Variants in SEMA6B observed in about 807,000 individuals in gnomAD.
SEMA6B encodes semaphorin-6B.
A neutral mutation model predicts 78.6 loss-of-function variants in SEMA6B; 47 were observed. The ratio of observed to expected loss-of-function variants is 0.60; its 90% CI spans 0.47 to 0.76. SEMA6B has a LOEUF of 0.76. SEMA6B is among the 30% of genes least tolerant of loss of function. The pLI is 0.00. For synonymous variants in SEMA6B, 632 were observed against 592.2 expected (o/e 1.07, Z -0.98); for missense variants, 1,213 against 1,269.9 (o/e 0.96, Z 0.68).
intron 14 of SEMA6B, among the ~76,000 whole-genome samples, chr19:4,547,502 C>T (rs1006098744): frequency 2.0e-4 from 31 of 152,214 alleles, no homozygotes; most frequent in African/African-American, 3.6e-4. Context: ...TCCGCATTGA[C>T]GGCTCACATG....
rs762868118 is a variant in SEMA6B at position 4,548,114 on chromosome 19, G to T, written c.1514C>A (p.Ala505Glu). ...GQRLLSLELD[A>E]ASGGLLAAFP... ...GGCAGCCAGCAGGCCCCCCGAAGCT[G>T]CGTCCAGCTCCAAGCTCAGCAGCCG... is the stretch of plus-strand genomic sequence containing the variant. The change falls in exon 14 of 17, where the codon GCA (alanine) becomes GAA (glutamate). Residue 505 changes from alanine (A) to glutamate (E), a missense_variant. Coordinates refer to ENST00000586582, the MANE Select transcript of SEMA6B (RefSeq NM_032108.4). The T allele has an allele frequency of 1.3e-6, 2 of 1,591,840 alleles. No homozygotes were observed. The highest frequency in any genetic ancestry group is 1.7e-5 in the Admixed American group (1 of 58,538).
intron 3 of SEMA6B, 88 bp from the exon 4 acceptor site, chr19:4,557,311 G>C: frequency 1.1e-6 from 1 of 902,534 alleles, no homozygotes; most frequent in South Asian, 1.6e-5. Context: ...GTGTGCACAC[G>C]GGGGCATGCA....
chr19:4,548,031 T>A lies in SEMA6B; in HGVS notation c.1597A>T (p.Met533Leu). Reference protein sequence around the residue: ...VARCQQYSGCMKNCIGSQDPY... With the variant: ...VARCQQYSGCLKNCIGSQDPY... ...TGGCCTGGGGTGGACACTCACTTCA[T>A]ACACCCCGAGTACTGCTGGCAGCGA... Residue 533 changes from methionine to leucine, a missense_variant, in exon 14 of 17, where the codon ATG (methionine) becomes TTG (leucine). Met to Leu is a conservative substitution (Grantham distance 15). Coordinates refer to ENST00000586582, the MANE Select transcript of SEMA6B (RefSeq NM_032108.4). 1 of 1,553,158 alleles carries A rather than the reference T, an allele frequency of 6.4e-7. No individual in the cohort carries two copies.
At position 4,542,910 on chromosome 19, in the gene SEMA6B, G is replaced by T; in HGVS notation, c.*691C>A. 1 of 701,216 alleles carries T rather than the reference G, an allele frequency of 1.4e-6. No homozygotes were observed. 43.4% of individuals were successfully genotyped at this position (701,216 alleles called of 1,614,324 possible). Reference sequence around the variant, plus strand: ...CCCGCTTCCCTCTGCAGAGTGGGGGGGGTTCAAACTCCTAACCGGCACCTC... The same window carrying T: ...CCCGCTTCCCTCTGCAGAGTGGGGGTGGTTCAAACTCCTAACCGGCACCTC... On this transcript the variant is annotated 3_prime_UTR_variant, in exon 17 of 17. Transcript: ENST00000586582.
At position 4,550,955 on chromosome 19, in the gene SEMA6B, TG is replaced by T. The variant is rs934616103; in HGVS notation, c.990-26del. 6.2e-7 allele frequency: 1 copy of T among 1,612,288 alleles called. No homozygotes were observed. Among genetic ancestry groups the T allele is most frequent in the African/African-American group, 1.3e-5 (1 of 74,882 alleles). On this transcript the variant is annotated intron_variant, in intron 10 of 16. Coordinates refer to ENST00000586582, the MANE Select transcript of SEMA6B (RefSeq NM_032108.4). The surrounding 1 kb of genome is among the most constrained non-coding windows in gnomAD (Gnocchi z 6.6). Reference sequence around the variant, plus strand: ...GCTGAGGGGTTGGGATGAAAGAGTTTGGTGAGCCCGGTGGGAGGCCCCATCT... The same window carrying T: ...GCTGAGGGGTTGGGATGAAAGAGTTTGTGAGCCCGGTGGGAGGCCCCATCT...
chr19:4,543,583 C>T lies in SEMA6B; in HGVS notation c.*18G>A, dbSNP rs774671000. 1 of 1,198,006 alleles carries T rather than the reference C, an allele frequency of 8.3e-7. No homozygotes were observed. The highest frequency in any genetic ancestry group is 1.0e-6 in the Non-Finnish European group (1 of 953,946). The allele number at this position is 1,198,006 out of a possible 1,614,324, so 74.2% of individuals were successfully genotyped here. A position where few individuals can be genotyped will look rare whatever the true frequency, so the allele number is the denominator to read the frequency against. ...GTTCCCGTGGCTGGCACTGCCAAGG[C>T]ATCGGGGGGCCCCCGGCCTAGGGCA... On this transcript the variant is annotated 3_prime_UTR_variant, in exon 17 of 17. Coordinates refer to ENST00000586582, the MANE Select transcript of SEMA6B (RefSeq NM_032108.4).
In SEMA6B at chr19:4,558,004, T is replaced by C; in HGVS notation, c.245+22A>G. On this transcript the variant is annotated intron_variant, in intron 3 of 16. Coordinates refer to ENST00000586582, the MANE Select transcript of SEMA6B (RefSeq NM_032108.4). The surrounding 1 kb of genome is among the most constrained non-coding windows in gnomAD (Gnocchi z 5.1). ...GCTCATTCTGCTCGTCACACAGGCC[T>C]CCTTGCTGTCCCCAGCAATACCTGT... 1.5e-6 allele frequency: 2 copies of C among 1,365,476 alleles called. No homozygotes were observed. Among genetic ancestry groups the C allele is most frequent in the Non-Finnish European group, 1.9e-6 (2 of 1,042,436 alleles). 84.6% of individuals were successfully genotyped at this position (1,365,476 alleles called of 1,614,324 possible). A position where few individuals can be genotyped will look rare whatever the true frequency, so the allele number is the denominator to read the frequency against.
At chr19:4,554,086 G>C (rs2145356114) in intron 9 of SEMA6B, among the ~76,000 whole-genome samples, 1 of 151,916 alleles carries the variant, frequency 6.6e-6, no homozygotes, top group South Asian at 2.1e-4. Flanking sequence ...TAGACGGATG[G>C]ACAGGGGATG....
chr19:4,553,714 G>A (rs1977396098), intron 9 of SEMA6B, among the ~76,000 whole-genome samples: 1 of 126,326 alleles, frequency 7.9e-6, no homozygotes, highest in Non-Finnish European at 1.7e-5. Flanking sequence ...ATGTGTGGAT[G>A]GATGGATGGA....
Position 4,546,373 on chromosome 19 carries a change from C to T in SEMA6B, c.1679+19G>A, listed in dbSNP as rs1422439753. ...GCGGGTCTGACACACCCTCCACCCA[C>T]CTCCCTCTCCCGCAGTACCTGGTGC... On this transcript the variant is annotated intron_variant, in intron 15 of 16. Coordinates refer to ENST00000586582, the MANE Select transcript of SEMA6B (RefSeq NM_032108.4). 6.3e-7 allele frequency: 1 copy of T among 1,582,950 alleles called. No individual in the cohort carries two copies.
At chr19:4,559,192 CAAAA>C (rs11295195) in intron 1 of SEMA6B, among the ~76,000 whole-genome samples, 4 of 107,686 alleles carry the variant, frequency 3.7e-5, no homozygotes, top group African/African-American at 6.9e-5. Context: ...AGACTCCATC[CAAAA>C]AAAAAAAAAA....
In SEMA6B at chr19:4,559,614, G is replaced by A. The variant is rs967064918; in HGVS notation, c.-117C>T. The A allele has an allele frequency of 6.6e-6, 1 of 152,296 alleles. No individual in the cohort carries two copies. Among genetic ancestry groups the A allele is most frequent in the South Asian group, 2.1e-4 (1 of 4,820 alleles). The allele number at this position is 152,296 out of a possible 1,614,324, so 9.4% of individuals were successfully genotyped here. A position where few individuals can be genotyped will look rare whatever the true frequency, so the allele number is the denominator to read the frequency against. On this transcript the variant is annotated 5_prime_UTR_variant, in exon 1 of 17. Coordinates refer to ENST00000586582, the MANE Select transcript of SEMA6B (RefSeq NM_032108.4). ...TTCTGGGAAGTATTGGGCAAGCTCC[G>A]AGCCCATTTTCCTGTCTGAGCAGCA...
Position 4,555,848 on chromosome 19 carries a change from G to T in SEMA6B, c.471+140C>A. 3 of 740,652 alleles carry T rather than the reference G, an allele frequency of 4.1e-6. No individual in the cohort carries two copies. The highest frequency in any genetic ancestry group is 3.4e-4 in the Middle Eastern group (1 of 2,906). 45.9% of individuals were successfully genotyped at this position (740,652 alleles called of 1,614,324 possible). Reference sequence around the variant, plus strand: ...CAGCGCTGACTCCTCTTGAGCTCAGGGGGAGGAGGCAGGGAGAGTATATCC... The same window carrying T: ...CAGCGCTGACTCCTCTTGAGCTCAGTGGGAGGAGGCAGGGAGAGTATATCC... On this transcript the variant is annotated intron_variant, in intron 6 of 16. Transcript: ENST00000586582. The surrounding 1 kb of genome is among the most constrained non-coding windows in gnomAD (Gnocchi z 6.1).
rs1977088899 is a variant in SEMA6B at position 4,543,882 on chromosome 19, C to G, written c.2386G>C (p.Asp796His). ...GGCGCGGACACCACCCGCCGGCGGT[C>G]CGGGCTGGCGTGGGGGGTGAGCGGG... ...DFPLTPHASP[D>H]RRRVVSAPTG... The change falls in exon 17 of 17, where the codon GAC (aspartate) becomes CAC (histidine). Residue 796 changes from aspartate (D) to histidine (H), a missense_variant. Transcript: ENST00000586582. The G allele has an allele frequency of 1.7e-6, 2 of 1,205,518 alleles. No individual in the cohort carries two copies. Among genetic ancestry groups the G allele is most frequent in the East Asian group, 6.9e-5 (2 of 29,178 alleles). 74.7% of individuals were successfully genotyped at this position (1,205,518 alleles called of 1,614,324 possible).
chr19:4,548,129 C>T lies in SEMA6B; in HGVS notation c.1499G>A (p.Ser500Asn), dbSNP rs969309262. 1.9e-6 allele frequency: 3 copies of T among 1,592,508 alleles called. No homozygotes were observed. Among genetic ancestry groups the T allele is most frequent in the African/African-American group, 2.7e-5 (2 of 74,764 alleles). The change falls in exon 14 of 17, where the codon AGC (serine) becomes AAC (asparagine). Residue 500 changes from serine (S) to asparagine (N), a missense_variant. Coordinates refer to ENST00000586582, the MANE Select transcript of SEMA6B (RefSeq NM_032108.4). ...GGGETGQRLL[S>N]LELDAASGGL... ...CCCCGAAGCTGCGTCCAGCTCCAAG[C>T]TCAGCAGCCGCTGCCCTGTCTCGCC... is the stretch of plus-strand genomic sequence containing the variant.
At chr19:4,548,542 G>A in intron 12 of SEMA6B, 97 bp from the exon 13 acceptor site, 1 of 1,119,462 alleles carries the variant, frequency 8.9e-7, no homozygotes, top group East Asian at 2.5e-5. Context: ...TACAGACACT[G>A]ACACACCAAC....
chr19:4,557,630 C>T (rs138961438), intron 3 of SEMA6B, among the ~76,000 whole-genome samples: 2 of 152,292 alleles, frequency 1.3e-5, no homozygotes, highest in South Asian at 2.1e-4. Context: ...TTGATCTGTC[C>T]GGTCTCTCTC....
intron 9 of SEMA6B, among the ~76,000 whole-genome samples, chr19:4,553,018 C>A (rs1977372183): frequency 6.6e-6 from 1 of 152,222 alleles, no homozygotes; most frequent in African/African-American, 2.4e-5. Flanking sequence ...TAGTTAGTGG[C>A]AGTCTGTGCA....
chr19:4,543,757 G>A lies in SEMA6B; in HGVS notation c.2511C>T (p.Ala837=). The change falls in exon 17 of 17, where the codon GCC becomes GCT. Residue 837 remains alanine (A), a synonymous_variant. Coordinates refer to ENST00000586582, the MANE Select transcript of SEMA6B (RefSeq NM_032108.4). ...GSLRRPLGPH[A]PPAATLRRTH... is the part of the protein sequence containing the mutation. ...TGCGGCGCAGGGTGGCGGCCGGAGG[G>A]GCGTGGGGGCCCAGTGGCCTCCTCA... The A allele has an allele frequency of 1.6e-6, 2 of 1,225,878 alleles. No homozygotes were observed. Among genetic ancestry groups the A allele is most frequent in the Non-Finnish European group, 1.0e-6 (1 of 984,218 alleles). 75.9% of individuals were successfully genotyped at this position (1,225,878 alleles called of 1,614,324 possible).
Sources: allele counts gnomAD v4.1 joint callset (sites outside exome capture counted in the v4.1 genomes callset), GRCh38; gene constraint gnomAD v4.1.1; non-coding constraint Gnocchi (gnomAD v3.1); transcripts MANE v1.5; gene names NCBI Gene and HGNC (gene_info 2026-07-23, HGNC 2026-07-21).